C16orf96: variants seen among roughly 807,000 people sequenced by gnomAD.
The protein encoded by C16orf96 is uncharacterized protein C16orf96.
In C16orf96, 108 loss-of-function variants were observed where a neutral mutation model predicts 103.6. That is an observed-to-expected ratio of 1.04 (90% confidence interval 0.89 to 1.22). The LOEUF is 1.22. Ranked by LOEUF, C16orf96 falls within the 50% of genes most tolerant of loss-of-function variation. C16orf96 has a pLI of 0.00. For missense variants in C16orf96, 1,586 were observed against 1,464.2 expected, an observed-to-expected ratio of 1.08 and a Z score of -1.36; for synonymous variants, 566 against 593.5, an observed-to-expected ratio of 0.95 and a Z score of 0.67.
Position 4,594,760 on chromosome 16 carries a change from C to A in C16orf96, c.3084C>A (p.Ser1028Arg), listed in dbSNP as rs1279405402. The change falls in exon 14 of 16, where the codon AGC (serine) becomes AGA (arginine). Residue 1028 changes from serine to arginine, a missense_variant. Coordinates refer to ENST00000444310, the MANE Select transcript of C16orf96 (RefSeq NM_001145011.2). ...TCCTGTACAAAGGCCGCGTGAACAG[C>A]CAGCGTGGGGCTCAGCCCTTGGCCG... ...DGILYKGRVN[S>R]QRGAQPLAVA... The A allele has an allele frequency of 6.4e-7, 1 of 1,550,992 alleles. No individual in the cohort carries two copies. The highest frequency in any genetic ancestry group is 8.7e-7 in the Non-Finnish European group (1 of 1,146,908).
At chr16:4,587,575 AG>A (rs1325294529) in intron 8 of C16orf96, among the ~76,000 whole-genome samples, 21 of 151,830 alleles carry the variant, frequency 1.4e-4, no homozygotes, top group Non-Finnish European at 1.9e-4. Flanking sequence ...AAGAAAAGAA[AG>A]GAAAACAGGA....
the C16orf96 span, among the ~76,000 whole-genome samples, chr16:4,547,778 A>AATCTCTCTTTCCCTCCCTCCCTCC: frequency 9.7e-6 from 1 of 102,856 alleles, no homozygotes; most frequent in Non-Finnish European, 1.9e-5. Context: ...TCTCTCTCTC[A>AATCTCTCTTTCCCTCCCTCCCTCC]TTCTCTCTTT....
chr16:4,539,101 T>G, the C16orf96 span, among the ~76,000 whole-genome samples: 1 of 152,174 alleles, frequency 6.6e-6, no homozygotes, highest in African/African-American at 2.4e-5. Context: ...ACATAAAACC[T>G]TGAACCACAC....
chr16:4,547,181 C>G, the C16orf96 span, among the ~76,000 whole-genome samples: 2 of 152,234 alleles, frequency 1.3e-5, no homozygotes, highest in Non-Finnish European at 2.9e-5. Flanking sequence ...GTCGCCCAGG[C>G]TGGAGTGCAG....
chr16:4,543,889 A>G, the C16orf96 span, among the ~76,000 whole-genome samples: 1 of 151,900 alleles, frequency 6.6e-6, no homozygotes. Context: ...TGATCCTCCC[A>G]CCTAGGCCTC....
In C16orf96 at chr16:4,594,388, C is replaced by T; in HGVS notation, c.2905C>T (p.Gln969Ter). Reference protein sequence around the residue: ...QWLQLQDLGIQEDCQQDWGDG... With the variant: ...QWLQLQDLGI ...GCTGCAGCTCCAGGACCTCGGTATC[C>T]AGGAGGATTGTCAGCAGGACTGGGG... The change falls in exon 13 of 16, where the codon CAG becomes TAG. Residue 969 changes from glutamine to a stop codon, truncating the protein, a stop_gained. Coordinates refer to ENST00000444310, the MANE Select transcript of C16orf96 (RefSeq NM_001145011.2). LOFTEE classifies it high-confidence loss of function. The T allele has an allele frequency of 6.4e-7, 1 of 1,551,168 alleles. No individual in the cohort carries two copies. The highest frequency in any genetic ancestry group is 8.7e-7 in the Non-Finnish European group (1 of 1,146,980).
Position 4,556,556 on chromosome 16 carries a change from T to C in C16orf96, c.67T>C (p.Phe23Leu). 1.9e-6 allele frequency: 3 copies of C among 1,551,402 alleles called. No individual in the cohort carries two copies. Among genetic ancestry groups the C allele is most frequent in the African/African-American group, 1.4e-5 (1 of 73,162 alleles). ...CATCCCACAGTGCGGGGTGCTGAAC[T>C]TCAAGGCCCTGCACCTCCTGCTGCA... ...IAIPQCGVLN[F>L]KALHLLLHGI... The change falls in exon 1 of 16, where the codon TTC becomes CTC. Residue 23 changes from phenylalanine (F) to leucine (L), a missense_variant. Phe to Leu is a conservative substitution (Grantham distance 22). Transcript: ENST00000444310.
upstream of C16orf96, among the ~76,000 whole-genome samples, chr16:4,555,519 C>T (rs982014084): frequency 1.3e-5 from 2 of 151,440 alleles, no homozygotes; most frequent in South Asian, 2.1e-4. Flanking sequence ...ATTACAGGCA[C>T]GTGCCACCAC....
At chr16:4,574,812 TC>T (rs1328055430) in intron 3 of C16orf96, 23 bp downstream of exon 3, 23 of 1,549,586 alleles carry the variant, frequency 1.5e-5, no homozygotes, top group Non-Finnish European at 1.9e-5. Flanking sequence ...ATCCCTGTCT[TC>T]CCCCACTCCC....
Position 4,556,474 on chromosome 16 carries a change from G to A in C16orf96, c.-16G>A, listed in dbSNP as rs1187361957. 1 of 1,508,718 alleles carries A rather than the reference G, an allele frequency of 6.6e-7. No homozygotes were observed. The highest frequency in any genetic ancestry group is 8.9e-7 in the Non-Finnish European group (1 of 1,121,318). The allele number at this position is 1,508,718 out of a possible 1,614,324, so 93.5% of individuals were successfully genotyped here. ...GGACACCTGGAACCCCAGCCCCACTGACCCACCCTGGCAGGATGAGCTTCT... is the reference window on the plus strand; with the variant it reads ...GGACACCTGGAACCCCAGCCCCACTAACCCACCCTGGCAGGATGAGCTTCT... On this transcript the variant is annotated 5_prime_UTR_variant, in exon 1 of 16. Transcript: ENST00000444310.
upstream of C16orf96, among the ~76,000 whole-genome samples, chr16:4,555,065 C>A (rs2059249801): frequency 6.6e-6 from 1 of 151,672 alleles, no homozygotes; most frequent in Admixed American, 6.6e-5. Flanking sequence ...GAGTTTGAGA[C>A]CAGCCTGGCC....
At chr16:4,559,360 T>A (rs1005931974) in intron 1 of C16orf96, among the ~76,000 whole-genome samples, 4 of 151,398 alleles carry the variant, frequency 2.6e-5, no homozygotes, top group African/African-American at 9.7e-5. Context: ...CTGGCCAACA[T>A]CATGAAAACC....
At chr16:4,587,213 C>A (rs575132711) in intron 8 of C16orf96, 100 bp downstream of exon 8, 7 of 1,153,080 alleles carry the variant, frequency 6.1e-6, no homozygotes, top group Non-Finnish European at 8.8e-6. Flanking sequence ...AATTTCCCTC[C>A]CCCTTTGTTC....
At chr16:4,575,147 A>G (rs1596524642) in intron 4 of C16orf96, 27 bp from the exon 5 acceptor site, 2 of 1,545,814 alleles carry the variant, frequency 1.3e-6, no homozygotes, top group East Asian at 4.9e-5. Context: ...GGAAGCCAGC[A>G]GAGCCCCTCT....
intron 8 of C16orf96, among the ~76,000 whole-genome samples, chr16:4,587,780 A>T (rs1057016494): frequency 6.6e-5 from 10 of 152,078 alleles, no homozygotes; most frequent in South Asian, 2.1e-4. Context: ...ACAAAAAAAT[A>T]AAAAAATGAA....
Position 4,592,335 on chromosome 16 carries a change from C to A in C16orf96, c.2742C>A (p.Ser914=). 6.4e-7 allele frequency: 1 copy of A among 1,551,706 alleles called. No homozygotes were observed. The highest frequency in any genetic ancestry group is 8.7e-7 in the Non-Finnish European group (1 of 1,146,986). ...RKLFKRVKCI[S]CDRPVEMMTG... is the part of the protein sequence containing the mutation. ...TGTTCAAGCGCGTGAAGTGCATCTC[C>A]TGTGACCGGCCTGTGGAGATGATGA... Residue 914 remains serine, a synonymous_variant, in exon 11 of 16, where the codon TCC becomes TCA. Transcript: ENST00000444310.
In C16orf96 at chr16:4,576,228, C is replaced by A; in HGVS notation, c.1748C>A (p.Ser583Tyr). ...GCCGCAGCCTACGCCGCTGCCACAT[C>A]CTCCGCTGCCCAGGCAGCCAAAGTT... ...AAAAAYAAAT[S>Y]SAAQAAKVAA... The change falls in exon 5 of 16, where the codon TCC becomes TAC. Residue 583 changes from serine to tyrosine, a missense_variant. Physicochemically the swap from Ser to Tyr is moderately radical, Grantham distance 144. Transcript: ENST00000444310. 1 of 1,550,802 alleles carries A rather than the reference C, an allele frequency of 6.4e-7. No homozygotes were observed. Among genetic ancestry groups the A allele is most frequent in the Non-Finnish European group, 8.7e-7 (1 of 1,146,998 alleles).
At chr16:4,583,098 C>T (rs1280545576) in intron 7 of C16orf96, among the ~76,000 whole-genome samples, 2 of 152,064 alleles carry the variant, frequency 1.3e-5, no homozygotes, top group Admixed American at 1.3e-4. Flanking sequence ...ATCAGCTGGG[C>T]GTGGTTGCGG....
In C16orf96 at chr16:4,592,368, G is replaced by GT. The variant is rs1567456773; in HGVS notation, c.2774+2dup. On this transcript the variant is annotated splice_donor_variant, in intron 11 of 15. Transcript: ENST00000444310. LOFTEE classifies it high-confidence loss of function. ...GGCCTGTGGAGATGATGACTGGCCCGTGAGTACCACCGCCCAGGGTGCCCC... is the reference window on the plus strand; with the variant it reads ...GGCCTGTGGAGATGATGACTGGCCCGTTGAGTACCACCGCCCAGGGTGCCCC... 2.6e-6 allele frequency: 4 copies of GT among 1,551,592 alleles called. No homozygotes were observed. The highest frequency in any genetic ancestry group is 3.5e-6 in the Non-Finnish European group (4 of 1,146,984).
Sources: gnomAD v4.1 joint callset for allele counts (sites outside exome capture counted in the v4.1 genomes callset) on GRCh38, gnomAD v4.1.1 for gene constraint, MANE v1.5 for transcripts, NCBI Gene and HGNC (gene_info 2026-07-23, HGNC 2026-07-21) for gene names.